VEGFC: variants seen among roughly 807,000 people sequenced by gnomAD.
The protein encoded by VEGFC is vascular endothelial growth factor C, also known as FLT4 ligand DHM.
VEGFC carries 12 observed loss-of-function variants against 46.1 expected under a neutral mutation model. The observed-to-expected ratio is 0.26, with a 90% CI of 0.17 to 0.42. The LOEUF (loss-of-function observed/expected upper bound fraction) is 0.42. Ranked by LOEUF, VEGFC falls within the 10% of genes least tolerant of loss-of-function variation. VEGFC has a pLI of 1.00. For missense variants in VEGFC, 488 were observed against 529.4 expected (o/e 0.92, Z 0.77); for synonymous variants, 232 against 195.5 (o/e 1.19, Z -1.56).
chr4:176,774,512 C>A (rs1735780439), intron 1 of VEGFC, among the ~76,000 whole-genome samples: 1 of 152,024 alleles, frequency 6.6e-6, no homozygotes, highest in Admixed American at 6.6e-5. Context: ...ATTTTTGTGG[C>A]AAACAACTAT....
At chr4:176,769,562 T>G (rs1735688636) in intron 1 of VEGFC, among the ~76,000 whole-genome samples, 1 of 152,150 alleles carries the variant, frequency 6.6e-6, no homozygotes, top group Non-Finnish European at 1.5e-5. Context: ...TAGATTAATT[T>G]TATTCCATCT....
intron 1 of VEGFC, among the ~76,000 whole-genome samples, chr4:176,748,835 A>G (rs1435453803): frequency 3.3e-5 from 5 of 151,954 alleles, no homozygotes; most frequent in Non-Finnish European, 7.4e-5. Flanking sequence ...AATTTAAAAA[A>G]GTCATATACT....
Position 176,765,849 on chromosome 4 carries a change from G to A in VEGFC, c.147+26316C>T, listed in dbSNP as rs139018726. Among the ~76,000 whole-genome samples, 325 of 151,928 alleles carry A rather than the reference G, an allele frequency of 2.1e-3. 1 individual carries two copies. Among genetic ancestry groups the A allele is most frequent in the African/African-American group, 7.0e-3 (292 of 41,448 alleles). On this transcript the variant is annotated intron_variant, in intron 1 of 6. Coordinates refer to ENST00000618562, the MANE Select transcript of VEGFC (RefSeq NM_005429.5). ...ATTACAGGAGTGAGCCACCGTGCCC[G>A]GCCCCAAAGACAGAATTTTAAATGC...
At chr4:176,772,206 A>G (rs1328699967) in intron 1 of VEGFC, among the ~76,000 whole-genome samples, 1 of 152,212 alleles carries the variant, frequency 6.6e-6, no homozygotes, top group East Asian at 1.9e-4. Context: ...ATTTGACATT[A>G]TTTAATTGGT....
chr4:176,753,750 A>G (rs1326353135), intron 1 of VEGFC, among the ~76,000 whole-genome samples: 2 of 151,734 alleles, frequency 1.3e-5, no homozygotes, highest in Non-Finnish European at 2.9e-5. Flanking sequence ...CTCAATTAAT[A>G]GTCAATCTTT....
intron 1 of VEGFC, among the ~76,000 whole-genome samples, chr4:176,755,767 A>T (rs1346123653): frequency 1.3e-5 from 2 of 152,036 alleles, no homozygotes; most frequent in Non-Finnish European, 2.9e-5. Flanking sequence ...CCCATACGTT[A>T]ATTTCTCTAT....
chr4:176,694,365 G>A (rs1458373381), intron 4 of VEGFC, among the ~76,000 whole-genome samples: 3 of 152,024 alleles, frequency 2.0e-5, no homozygotes, highest in African/African-American at 7.3e-5. Flanking sequence ...AACCAACAAA[G>A]ATCAAAAGAG....
At chr4:176,771,078 A>C (rs1360167050) in intron 1 of VEGFC, among the ~76,000 whole-genome samples, 1 of 152,084 alleles carries the variant, frequency 6.6e-6, no homozygotes. Flanking sequence ...AAAATAATTA[A>C]ATTCTACTTT....
chr4:176,771,655 C>A (rs147993511), intron 1 of VEGFC, among the ~76,000 whole-genome samples: 1 of 152,242 alleles, frequency 6.6e-6, no homozygotes, highest in African/African-American at 2.4e-5. Context: ...CAAGAAAAGT[C>A]TAAGGTTCTT....
At chr4:176,778,468 C>A (rs7684259) in intron 1 of VEGFC, among the ~76,000 whole-genome samples, 8 of 151,962 alleles carry the variant, frequency 5.3e-5, no homozygotes, top group Non-Finnish European at 8.8e-5. Flanking sequence ...CCTTAGGATG[C>A]CCCCCGCCAC....
At chr4:176,686,202 C>G (rs1734039252) in intron 6 of VEGFC, among the ~76,000 whole-genome samples, 1 of 152,040 alleles carries the variant, frequency 6.6e-6, no homozygotes, top group African/African-American at 2.4e-5. Context: ...GACAGGTTAC[C>G]TAAGGACAAA....
intron 1 of VEGFC, among the ~76,000 whole-genome samples, chr4:176,760,382 G>T (rs1375165628): frequency 6.6e-6 from 1 of 152,122 alleles, no homozygotes; most frequent in African/African-American, 2.4e-5. Context: ...CCTAATAGCT[G>T]CTCCCAAAGA....
At chr4:176,774,808 A>G (rs1461619111) in intron 1 of VEGFC, among the ~76,000 whole-genome samples, 1 of 41,740 alleles carries the variant, frequency 2.4e-5, no homozygotes, top group Non-Finnish European at 7.4e-5. Flanking sequence ...TTAAAGTATA[A>G]TAATAAAAAA....
At chr4:176,755,892 T>C (rs867822627) in intron 1 of VEGFC, among the ~76,000 whole-genome samples, 2 of 152,030 alleles carry the variant, frequency 1.3e-5, no homozygotes, top group Non-Finnish European at 2.9e-5. Context: ...CTGTAATGCA[T>C]TGTCAACGCA....
intron 4 of VEGFC, among the ~76,000 whole-genome samples, chr4:176,701,730 C>T (rs1023674007): frequency 1.1e-4 from 16 of 152,118 alleles, no homozygotes; most frequent in East Asian, 7.7e-4. Flanking sequence ...ATATGACTTA[C>T]GATTTCAAAA....
At chr4:176,764,334 G>A (rs767189352) in intron 1 of VEGFC, among the ~76,000 whole-genome samples, 3 of 152,184 alleles carry the variant, frequency 2.0e-5, no homozygotes, top group Non-Finnish European at 2.9e-5. Flanking sequence ...CAGAGCTGGA[G>A]AGACAAAACA....
At chr4:176,756,500 C>T (rs1264178604) in intron 1 of VEGFC, among the ~76,000 whole-genome samples, 1 of 151,840 alleles carries the variant, frequency 6.6e-6, no homozygotes, top group African/African-American at 2.4e-5. Context: ...CCAGTCATGC[C>T]CATCTAGGGA....
intron 1 of VEGFC, among the ~76,000 whole-genome samples, chr4:176,783,670 T>C (rs147553778): frequency 0.011 from 1,702 of 152,254 alleles, 23 homozygotes; most frequent in Middle Eastern, 0.099. Flanking sequence ...TATGGACACC[T>C]GTGCTGCCCT....
intron 2 of VEGFC, 24 bp downstream of exon 2, chr4:176,729,509 A>G (rs777075443): frequency 1.9e-6 from 3 of 1,601,704 alleles, no homozygotes; most frequent in Non-Finnish European, 1.7e-6. Flanking sequence ...AAGGCTTACT[A>G]TACATTTTAT....
Sources: gnomAD v4.1 joint callset for allele counts (sites outside exome capture counted in the v4.1 genomes callset) on GRCh38, gnomAD v4.1.1 for gene constraint, MANE v1.5 for transcripts, NCBI Gene and HGNC (gene_info 2026-07-23, HGNC 2026-07-21) for gene names.